CRACD: variants seen among roughly 807,000 people sequenced by gnomAD.
CRACD encodes the protein capping protein inhibiting regulator of actin dynamics, also known as capping protein-inhibiting regulator of actin dynamics.
Under a neutral mutation model 106.8 loss-of-function variants are expected in CRACD, and 56 were observed. The ratio of observed to expected loss-of-function variants is 0.52; its 90% CI spans 0.42 to 0.66. The LOEUF (loss-of-function observed/expected upper bound fraction) is 0.66. Among genes scored for constraint, CRACD ranks in the 30% least tolerant of loss-of-function variants. The pLI is 0.00. For missense variants in CRACD, 1,730 were observed against 1,623.2 expected (o/e 1.07, Z -1.13); for synonymous variants, 754 against 670.8 (o/e 1.12, Z -1.92).
intron 2 of CRACD, among the ~76,000 whole-genome samples, chr4:56,256,497 A>G (rs1172858035): frequency 6.6e-6 from 1 of 152,244 alleles, no homozygotes; most frequent in Non-Finnish European, 1.5e-5. Context: ...TGGCCTAGTT[A>G]TGAATATTAA....
In CRACD at chr4:56,214,681, C is replaced by CTATATATATA. The variant is rs545506498; in HGVS notation, c.-189+35257_-189+35266dup. Among the ~76,000 whole-genome samples, 320 of 80,958 alleles carry CTATATATATA rather than the reference C, an allele frequency of 4.0e-3. 9 individuals are homozygous for CTATATATATA. The highest frequency in any genetic ancestry group is 0.012 in the African/African-American group (283 of 23,486). The allele number at this position is 80,958 out of a possible 152,430, so 53.1% of individuals were successfully genotyped here. On this transcript the variant is annotated intron_variant, in intron 2 of 10. Coordinates refer to ENST00000682029, the MANE Select transcript of CRACD (RefSeq NM_001393381.1). ...TCTCTCTCTCTCTCTCTCTCTCTCTCTATATATATATATATCAAACAGTTA... is the reference window on the plus strand; with the variant it reads ...TCTCTCTCTCTCTCTCTCTCTCTCTCTATATATATATATATATATATATATCAAACAGTTA...
rs560717981 is a variant in CRACD at position 56,106,048 on chromosome 4, A to G, written c.-336+56749A>G. Among the ~76,000 whole-genome samples, 4 of 152,040 alleles carry G rather than the reference A, an allele frequency of 2.6e-5. No homozygotes were observed. The East Asian group carries it at 7.7e-4, about 29-fold the overall frequency. On this transcript the variant is annotated intron_variant, in intron 1 of 10. Coordinates refer to ENST00000682029, the MANE Select transcript of CRACD (RefSeq NM_001393381.1). ...GGCTGGGTGTGTATCGAAGTTAACT[A>G]TGCTGTAGCTTAGTCTCCTGTTGTA...
chr4:56,088,279 G>GT (rs1326895297), intron 1 of CRACD, among the ~76,000 whole-genome samples: 2 of 152,056 alleles, frequency 1.3e-5, no homozygotes, highest in Non-Finnish European at 2.9e-5. Flanking sequence ...CTGATAGGTA[G>GT]TTTTTTCAGT....
chr4:56,313,888 G>A, intron 7 of CRACD, 152 bp from the exon 8 acceptor site: 1 of 1,017,766 alleles, frequency 9.8e-7, no homozygotes, highest in Non-Finnish European at 1.4e-6. Flanking sequence ...TGGGGTGACC[G>A]ATGCCTGAGT....
rs559063563 is a variant in CRACD at position 56,268,404 on chromosome 4, G to C, written c.-188-3917G>C. On this transcript the variant is annotated intron_variant, in intron 2 of 10. Coordinates refer to ENST00000682029, the MANE Select transcript of CRACD (RefSeq NM_001393381.1). ...TAATGTTGCTATTGTATTTTGGAAT[G>C]TTTCTGATTAGAAATTTTGGGGTTA... is the stretch of plus-strand genomic sequence containing the variant. 5.9e-5 allele frequency among the ~76,000 whole-genome samples: 9 copies of C among 151,964 alleles called. No homozygotes were observed. The South Asian group carries it at 1.9e-3, about 32-fold the overall frequency.
At chr4:56,252,328 A>G (rs2109590847) in intron 2 of CRACD, among the ~76,000 whole-genome samples, 1 of 152,306 alleles carries the variant, frequency 6.6e-6, no homozygotes. Context: ...CTAGGTACAC[A>G]TAACTCCATC....
At chr4:56,308,048 CCTAT>C (rs1226685721) in intron 5 of CRACD, among the ~76,000 whole-genome samples, 2 of 152,156 alleles carry the variant, frequency 1.3e-5, no homozygotes, top group African/African-American at 4.8e-5. Context: ...GTCTGTTCTC[CCTAT>C]CTATGTCCAT....
At chr4:56,227,819 A>T (rs1247951878) in intron 2 of CRACD, among the ~76,000 whole-genome samples, 1 of 152,198 alleles carries the variant, frequency 6.6e-6, no homozygotes, top group Non-Finnish European at 1.5e-5. Flanking sequence ...GGCAATACAC[A>T]CTGCCTTACA....
At chr4:56,126,615 C>T (rs1734667691) in intron 1 of CRACD, among the ~76,000 whole-genome samples, 1 of 152,112 alleles carries the variant, frequency 6.6e-6, no homozygotes, top group South Asian at 2.1e-4. Context: ...TTGTTTTAAC[C>T]AGTAGTTCTT....
At chr4:56,093,144 C>G (rs1252420412) in intron 1 of CRACD, among the ~76,000 whole-genome samples, 1 of 152,126 alleles carries the variant, frequency 6.6e-6, no homozygotes, top group Non-Finnish European at 1.5e-5. Context: ...CCTTTCTTAT[C>G]TGTTAAATGA....
chr4:56,116,297 T>G (rs1734274741), intron 1 of CRACD, among the ~76,000 whole-genome samples: 1 of 152,220 alleles, frequency 6.6e-6, no homozygotes, highest in Non-Finnish European at 1.5e-5. Context: ...GGAAGAATTT[T>G]TTCTAGAGCC....
At chr4:56,131,117 A>G (rs1159620561) in intron 1 of CRACD, among the ~76,000 whole-genome samples, 1 of 152,230 alleles carries the variant, frequency 6.6e-6, no homozygotes, top group Non-Finnish European at 1.5e-5. Context: ...GTACACTAGT[A>G]TGAATTTAAA....
intron 1 of CRACD, among the ~76,000 whole-genome samples, chr4:56,082,933 A>G (rs1733085134): frequency 6.6e-6 from 1 of 152,190 alleles, no homozygotes; most frequent in Non-Finnish European, 1.5e-5. Flanking sequence ...GGAGTAGAAA[A>G]TAGAAACAGG....
At chr4:56,066,852 T>C (rs1732481500) in intron 1 of CRACD, among the ~76,000 whole-genome samples, 1 of 152,072 alleles carries the variant, frequency 6.6e-6, no homozygotes, top group Non-Finnish European at 1.5e-5. Flanking sequence ...TGAATGCGTG[T>C]TCATGGGGTA....
At chr4:56,196,916 T>C (rs914567385) in intron 2 of CRACD, among the ~76,000 whole-genome samples, 17 of 152,134 alleles carry the variant, frequency 1.1e-4, no homozygotes, top group African/African-American at 4.1e-4. Flanking sequence ...CCTCAAGACA[T>C]CATTTTATTG....
chr4:56,069,945 A>G (rs554313103), intron 1 of CRACD, among the ~76,000 whole-genome samples: 34 of 152,240 alleles, frequency 2.2e-4, no homozygotes, highest in Non-Finnish European at 4.3e-4. Flanking sequence ...TCTGCATATA[A>G]TGGGTGAGCA....
chr4:56,219,736 G>C (rs1356586244), intron 2 of CRACD, among the ~76,000 whole-genome samples: 1 of 152,182 alleles, frequency 6.6e-6, no homozygotes, highest in African/African-American at 2.4e-5. Flanking sequence ...CTTTTGTTTA[G>C]TAAGTGTTCA....
rs146789609 is a variant in CRACD at position 56,281,532 on chromosome 4, C to T, written c.-17+9040C>T. ...AGCTGTGTGACCCTCACCTAGCTAG[C>T]GCCTTCGTCTCCCAGGATTATTAGG... is the stretch of plus-strand genomic sequence containing the variant. On this transcript the variant is annotated intron_variant, in intron 3 of 10. Coordinates refer to ENST00000682029, the MANE Select transcript of CRACD (RefSeq NM_001393381.1). Among the ~76,000 whole-genome samples, 161 of 137,860 alleles carry T rather than the reference C, an allele frequency of 1.2e-3. 2 individuals are homozygous for T. Among genetic ancestry groups the T allele is most frequent in the African/African-American group, 4.0e-3 (135 of 34,118 alleles). The allele number at this position is 137,860 out of a possible 152,430, so 90.4% of individuals were successfully genotyped here.
At chr4:56,282,322 C>T (rs1426227729) in intron 3 of CRACD, among the ~76,000 whole-genome samples, 1 of 152,160 alleles carries the variant, frequency 6.6e-6, no homozygotes, top group African/African-American at 2.4e-5. Context: ...AATAGGAGGG[C>T]TGGCCTGAGG....
Sources: gnomAD v4.1 joint callset for allele counts (sites outside exome capture counted in the v4.1 genomes callset) on GRCh38, gnomAD v4.1.1 for gene constraint, MANE v1.5 for transcripts, NCBI Gene and HGNC (gene_info 2026-07-23, HGNC 2026-07-21) for gene names.